KIRREL3: variants seen among roughly 807,000 people sequenced by gnomAD.
The protein encoded by KIRREL3 is kirre like nephrin family adhesion molecule 3, also known as kin of IRRE-like protein 3.
In KIRREL3, 36 loss-of-function variants were observed where a neutral mutation model predicts 89.7. The ratio of observed to expected loss-of-function variants is 0.40; its 90% CI spans 0.31 to 0.53. The LOEUF is 0.53. Ranked by LOEUF, KIRREL3 falls within the 20% of genes least tolerant of loss-of-function variation. KIRREL3 has a pLI of 0.49. For missense variants in KIRREL3, 864 were observed against 1,056.6 expected (o/e 0.82, Z 2.53); for synonymous variants, 445 against 441.4 (o/e 1.01, Z -0.10).
In KIRREL3 at chr11:126,571,565, C is replaced by A. The variant is rs762229653; in HGVS notation, c.56-8653G>T. Among the ~76,000 whole-genome samples the A allele has an allele frequency of 1.7e-4, 26 of 152,178 alleles. No individual in the cohort carries two copies. The highest frequency in any genetic ancestry group is 3.2e-4 in the Non-Finnish European group (22 of 68,038). ...GTCTCTGGGCTGAGCACTTTGCATG[C>A]CTTACCTTCTTTATTCCTCATCAAA... On this transcript the variant is annotated intron_variant, in intron 1 of 16. Coordinates refer to ENST00000525144, the MANE Select transcript of KIRREL3 (RefSeq NM_032531.4). The surrounding 1 kb of genome is among the most constrained non-coding windows in gnomAD (Gnocchi z 7.7).
chr11:126,466,319 C>A (rs1956724706), intron 5 of KIRREL3, among the ~76,000 whole-genome samples: 1 of 152,268 alleles, frequency 6.6e-6, no homozygotes, highest in African/African-American at 2.4e-5. Context: ...AGCACCAACA[C>A]CCTCTCTGTC....
chr11:126,592,917 G>A (rs2134714829), intron 1 of KIRREL3, among the ~76,000 whole-genome samples: 1 of 152,260 alleles, frequency 6.6e-6, no homozygotes, highest in East Asian at 1.9e-4. Flanking sequence ...AGAGGGCTGG[G>A]CGTGGCGTAC....
chr11:126,641,613 T>C lies in KIRREL3; in HGVS notation c.56-78701A>G, dbSNP rs1473224109. 6.6e-6 allele frequency among the ~76,000 whole-genome samples: 1 copy of C among 152,180 alleles called. No homozygotes were observed. Among genetic ancestry groups the C allele is most frequent in the East Asian group, 1.9e-4 (1 of 5,192 alleles). On this transcript the variant is annotated intron_variant, in intron 1 of 16. Transcript: ENST00000525144. The surrounding 1 kb of genome is among the most constrained non-coding windows in gnomAD (Gnocchi z 5.0). ...GCAGACATTTACAACACCAGCCTCC[T>C]GGCTTCTTATGGGGATAGTGGCTGC... is the stretch of plus-strand genomic sequence containing the variant.
rs1001562992 is a variant in KIRREL3, at chr11:126,601,732, C to T, written c.56-38820G>A. On this transcript the variant is annotated intron_variant, in intron 1 of 16. Coordinates refer to ENST00000525144, the MANE Select transcript of KIRREL3 (RefSeq NM_032531.4). The surrounding 1 kb of genome is among the most constrained non-coding windows in gnomAD (Gnocchi z 5.8). ...ATCCTGCGGTGCCATTCGCCCACCC[C>T]GCCTACATTCCTGGACGCCTATTTG... Among the ~76,000 whole-genome samples, 20 of 152,192 alleles carry T rather than the reference C, an allele frequency of 1.3e-4. No homozygotes were observed. Among genetic ancestry groups the T allele is most frequent in the African/African-American group, 1.9e-4 (8 of 41,444 alleles).
chr11:126,595,372 G>C (rs1361130863), intron 1 of KIRREL3, among the ~76,000 whole-genome samples: 1 of 152,228 alleles, frequency 6.6e-6, no homozygotes, highest in African/African-American at 2.4e-5. Context: ...AGCCCAGCAG[G>C]CTAGTTGTCC....
intron 1 of KIRREL3, among the ~76,000 whole-genome samples, chr11:126,581,808 G>A (rs1200401395): frequency 1.3e-5 from 2 of 152,164 alleles, no homozygotes; most frequent in Non-Finnish European, 2.9e-5. Context: ...AGTAGGAGGA[G>A]AAGCACCTCA....
rs1231996699 is a variant in KIRREL3 at position 126,521,100 on chromosome 11, G to A, written c.433+215C>T. On this transcript the variant is annotated intron_variant, in intron 4 of 16. Coordinates refer to ENST00000525144, the MANE Select transcript of KIRREL3 (RefSeq NM_032531.4). This position sits in a 1 kb window ranked among gnomAD's most constrained non-coding sequence, Gnocchi z 4.1. ...CGCCGGGGTTGGACTGAGTCCGCTG[G>A]CATTGGCTGTCTGGTTTACTAGGGA... Among the ~76,000 whole-genome samples, 1 of 152,226 alleles carries A rather than the reference G, an allele frequency of 6.6e-6. No homozygotes were observed. The highest frequency in any genetic ancestry group is 1.9e-4 in the East Asian group (1 of 5,186).
rs1957546743 is a variant in KIRREL3, at chr11:126,492,469, C to T, written c.434-19003G>A. 6.6e-6 allele frequency among the ~76,000 whole-genome samples: 1 copy of T among 152,124 alleles called. No individual in the cohort carries two copies. The highest frequency in any genetic ancestry group is 1.5e-5 in the Non-Finnish European group (1 of 68,036). Reference sequence around the variant, plus strand: ...TTACTTCCCTGCTCCCAGTTAGCCCCTGTCCGTCCAGTTCTGAGAGGTGTT... The same window carrying T: ...TTACTTCCCTGCTCCCAGTTAGCCCTTGTCCGTCCAGTTCTGAGAGGTGTT... On this transcript the variant is annotated intron_variant, in intron 4 of 16. Transcript: ENST00000525144. This position sits in a 1 kb window ranked among gnomAD's most constrained non-coding sequence, Gnocchi z 4.8.
chr11:126,633,964 C>T (rs147973290), intron 1 of KIRREL3, among the ~76,000 whole-genome samples: 82 of 152,314 alleles, frequency 5.4e-4, no homozygotes, highest in African/African-American at 2.0e-3. Flanking sequence ...TATTTCTTAC[C>T]TCCTTCCACC....
At chr11:126,988,115 T>C (rs1014553582) in intron 1 of KIRREL3, among the ~76,000 whole-genome samples, 4 of 152,236 alleles carry the variant, frequency 2.6e-5, no homozygotes, top group Non-Finnish European at 5.9e-5. Context: ...AGTAGCTCCA[T>C]TCTTCCAGCA....
intron 1 of KIRREL3, among the ~76,000 whole-genome samples, chr11:126,586,293 G>C (rs868112045): frequency 6.6e-6 from 1 of 152,152 alleles, no homozygotes; most frequent in Non-Finnish European, 1.5e-5. Flanking sequence ...ACATTGTTTA[G>C]CGCTGCCGTT....
chr11:126,778,973 T>C lies in KIRREL3; in HGVS notation c.56-216061A>G, dbSNP rs137868016. ...CATGTAAGAGCACCTAGCGCGGAAC[T>C]TGGAACACAGCAGAAACTCAACAAA... On this transcript the variant is annotated intron_variant, in intron 1 of 16. Coordinates refer to ENST00000525144, the MANE Select transcript of KIRREL3 (RefSeq NM_032531.4). The surrounding 1 kb of genome is among the most constrained non-coding windows in gnomAD (Gnocchi z 4.5). 2.4e-3 allele frequency among the ~76,000 whole-genome samples: 367 copies of C among 152,320 alleles called. 1 individual carries two copies. The highest frequency in any genetic ancestry group is 8.3e-3 in the African/African-American group (347 of 41,574).
rs1340077630 is a variant in KIRREL3 at position 126,563,133 on chromosome 11, T to C, written c.56-221A>G. Among the ~76,000 whole-genome samples, 1 of 152,262 alleles carries C rather than the reference T, an allele frequency of 6.6e-6. No homozygotes were observed. Among genetic ancestry groups the C allele is most frequent in the Non-Finnish European group, 1.5e-5 (1 of 68,046 alleles). ...ACCCTGTGAAGGATGTTTCCCCATT[T>C]TCTATCATCCCCATTTATAGATATA... On this transcript the variant is annotated intron_variant, in intron 1 of 16. Transcript: ENST00000525144. The surrounding 1 kb of genome is among the most constrained non-coding windows in gnomAD (Gnocchi z 6.8).
chr11:126,934,601 A>T (rs2135073575), intron 1 of KIRREL3, among the ~76,000 whole-genome samples: 1 of 152,346 alleles, frequency 6.6e-6, no homozygotes, highest in South Asian at 2.1e-4. Flanking sequence ...TATAATAATA[A>T]GTAAGTAATG....
rs1428657896 is a variant in KIRREL3, at chr11:126,997,089, A to G, written c.55+3366T>C. Among the ~76,000 whole-genome samples, 1 of 152,262 alleles carries G rather than the reference A, an allele frequency of 6.6e-6. No individual in the cohort carries two copies. Among genetic ancestry groups the G allele is most frequent in the East Asian group, 1.9e-4 (1 of 5,184 alleles). On this transcript the variant is annotated intron_variant, in intron 1 of 16. Transcript: ENST00000525144. This position sits in a 1 kb window ranked among gnomAD's most constrained non-coding sequence, Gnocchi z 4.3. ...GGAGTCATCAGTCCTCTAGGACCTT[A>G]TTCCCTCCAAGCTACCTAAGCTGTG...
In KIRREL3 at chr11:126,473,342, C is replaced by T; in HGVS notation, c.558G>A (p.Lys186=). 6.5e-7 allele frequency: 1 copy of T among 1,534,886 alleles called. No individual in the cohort carries two copies. Among genetic ancestry groups the T allele is most frequent in the Non-Finnish European group, 8.8e-7 (1 of 1,140,630 alleles). ...AGGTGGCCCCATTGATGACCTCTCC[C>T]TTTCGCAACCAGATGATGGAGGCTG... ...KPAASIIWLR[K]GEVINGATYS... is the part of the protein sequence containing the mutation. Residue 186 remains lysine (K), a synonymous_variant, in exon 5 of 17, where the codon AAG becomes AAA. Coordinates refer to ENST00000525144, the MANE Select transcript of KIRREL3 (RefSeq NM_032531.4).
intron 1 of KIRREL3, among the ~76,000 whole-genome samples, chr11:126,972,164 C>T (rs1949439750): frequency 6.0e-5 from 2 of 33,342 alleles, no homozygotes; most frequent in Non-Finnish European, 1.5e-4. Flanking sequence ...GCAAGAGGGT[C>T]TGGTAGAGAG....
chr11:126,942,455 G>C (rs892088334), intron 1 of KIRREL3, among the ~76,000 whole-genome samples: 2 of 152,102 alleles, frequency 1.3e-5, no homozygotes, highest in African/African-American at 4.8e-5. Flanking sequence ...TGGCTAACAA[G>C]AGATCAAGGC....
intron 1 of KIRREL3, among the ~76,000 whole-genome samples, chr11:126,598,076 A>G (rs1186901007): frequency 3.9e-5 from 6 of 152,258 alleles, no homozygotes; most frequent in Non-Finnish European, 8.8e-5. Context: ...GCTAATGAGC[A>G]GGCGCAAGAA....
Sources: gnomAD v4.1 joint callset for allele counts (sites outside exome capture counted in the v4.1 genomes callset) on GRCh38, gnomAD v4.1.1 for gene constraint, Gnocchi (gnomAD v3.1) non-coding constraint, MANE v1.5 for transcripts, NCBI Gene and HGNC (gene_info 2026-07-23, HGNC 2026-07-21) for gene names.